Variants in EPHB2 observed in about 807,000 individuals in gnomAD.
The protein encoded by EPHB2 is EPH receptor B2.
Under a neutral mutation model 96.4 loss-of-function variants are expected in EPHB2, and 18 were observed. The ratio of observed to expected loss-of-function variants is 0.19; its 90% CI spans 0.13 to 0.28. EPHB2 has a LOEUF of 0.28. Among genes scored for constraint, EPHB2 ranks in the 10% least tolerant of loss-of-function variants. The pLI, the probability that EPHB2 is intolerant of heterozygous loss-of-function variation, is 1.00. For synonymous variants in EPHB2, 506 were observed against 534.1 expected, an observed-to-expected ratio of 0.95 and a Z score of 0.72; for missense variants, 989 against 1,355.4, an observed-to-expected ratio of 0.73 and a Z score of 4.25.
chr1:22,783,927 C>T (rs1204289986), intron 2 of EPHB2, among the ~76,000 whole-genome samples: 1 of 152,150 alleles, frequency 6.6e-6, no homozygotes, highest in Non-Finnish European at 1.5e-5. Context: ...CTGTCTTCCT[C>T]CATCAGACCG....
chr1:22,810,340 C>A (rs1001502634), intron 3 of EPHB2, among the ~76,000 whole-genome samples: 9 of 152,170 alleles, frequency 5.9e-5, no homozygotes, highest in Non-Finnish European at 1.0e-4. Flanking sequence ...TTTCCTGTGC[C>A]CCACAGTGGT....
intron 1 of EPHB2, among the ~76,000 whole-genome samples, chr1:22,722,749 G>T (rs1008805300): frequency 6.6e-6 from 1 of 152,228 alleles, no homozygotes; most frequent in Non-Finnish European, 1.5e-5. Context: ...ACCATGCTAC[G>T]TTGGACCTCT....
intron 3 of EPHB2, among the ~76,000 whole-genome samples, chr1:22,811,622 C>T (rs985741300): frequency 1.3e-5 from 2 of 152,222 alleles, no homozygotes; most frequent in African/African-American, 4.8e-5. Flanking sequence ...CACCTAATTT[C>T]CCCTGAAATG....
intron 3 of EPHB2, among the ~76,000 whole-genome samples, chr1:22,822,586 A>C (rs936085740): frequency 2.6e-5 from 4 of 152,242 alleles, no homozygotes; most frequent in Admixed American, 2.6e-4. Flanking sequence ...GAAGTTGGCC[A>C]GCATTGTGAC....
At chr1:22,723,520 G>A (rs1296732833) in intron 1 of EPHB2, among the ~76,000 whole-genome samples, 1 of 152,252 alleles carries the variant, frequency 6.6e-6, no homozygotes, top group East Asian at 1.9e-4. Context: ...AGCCATGCCA[G>A]CAAAGCTCAG....
intron 3 of EPHB2, among the ~76,000 whole-genome samples, chr1:22,789,186 C>G (rs1336955072): frequency 6.6e-6 from 1 of 152,210 alleles, no homozygotes; most frequent in African/African-American, 2.4e-5. Flanking sequence ...ACTAGCCCAG[C>G]CCCAACACCA....
rs1553157963 is a variant in EPHB2, at chr1:22,720,663, C to CG, written c.61+9620_61+9621insG. 1.5e-4 allele frequency among the ~76,000 whole-genome samples: 15 copies of CG among 99,194 alleles called. 1 individual carries two copies. The highest frequency in any genetic ancestry group is 2.4e-4 in the Non-Finnish European group (11 of 44,980). The allele number at this position is 99,194 out of a possible 152,430, so 65.1% of individuals were successfully genotyped here. ...AACAGGAAGCCAGAAATCTCATTCC[C>CG]CCCCCCCCCCGCCCCAGCACTTACC... On this transcript the variant is annotated intron_variant, in intron 1 of 15. Transcript: ENST00000374630.
intron 1 of EPHB2, among the ~76,000 whole-genome samples, chr1:22,717,616 G>A (rs982856661): frequency 2.0e-5 from 3 of 152,190 alleles, no homozygotes; most frequent in Admixed American, 6.5e-5. Flanking sequence ...GGCTCATGGC[G>A]AGGATTCAGT....
intron 9 of EPHB2, among the ~76,000 whole-genome samples, chr1:22,900,745 C>T (rs1202017863): frequency 6.6e-6 from 1 of 152,206 alleles, no homozygotes; most frequent in African/African-American, 2.4e-5. Context: ...ATCCCCCTCC[C>T]TGCATCCTAA....
At chr1:22,871,258 T>G (rs964702566) in intron 5 of EPHB2, among the ~76,000 whole-genome samples, 1 of 152,202 alleles carries the variant, frequency 6.6e-6, no homozygotes, top group Non-Finnish European at 1.5e-5. Context: ...ACCAGACCCA[T>G]GCCTTCTACA....
chr1:22,731,365 G>A (rs986301550), intron 1 of EPHB2, among the ~76,000 whole-genome samples: 12 of 151,786 alleles, frequency 7.9e-5, no homozygotes, highest in East Asian at 1.9e-4. Flanking sequence ...GGGGATTAGC[G>A]GACCACCGAG....
chr1:22,775,551 C>A (rs547886527), intron 1 of EPHB2, among the ~76,000 whole-genome samples: 6 of 152,278 alleles, frequency 3.9e-5, no homozygotes, highest in African/African-American at 1.4e-4. Context: ...GGCAGGCCCC[C>A]TGCAGCCACC....
At chr1:22,773,574 T>TC (rs1184423856) in intron 1 of EPHB2, among the ~76,000 whole-genome samples, 1 of 152,004 alleles carries the variant, frequency 6.6e-6, no homozygotes, top group East Asian at 1.9e-4. Context: ...CTTCAACCCT[T>TC]CCCCCAGCTG....
At chr1:22,800,771 GAC>G (rs71666873) in intron 3 of EPHB2, among the ~76,000 whole-genome samples, 104,929 of 148,382 alleles carry the variant, frequency 0.71, 37,522 homozygotes, top group Middle Eastern at 0.81. Context: ...GTGTGTATGT[GAC>G]ACACACACAC....
intron 7 of EPHB2, among the ~76,000 whole-genome samples, chr1:22,893,984 T>G (rs1639472803): frequency 6.6e-6 from 1 of 152,220 alleles, no homozygotes; most frequent in South Asian, 2.1e-4. Context: ...CTTTGCCTGG[T>G]TGAACATTTC....
chr1:22,799,929 T>G (rs904639447), intron 3 of EPHB2, among the ~76,000 whole-genome samples: 2 of 152,186 alleles, frequency 1.3e-5, no homozygotes, highest in African/African-American at 4.8e-5. Flanking sequence ...AGTTCCCAGT[T>G]CCCTCCCTTA....
chr1:22,869,995 G>A (rs192981962), intron 5 of EPHB2, among the ~76,000 whole-genome samples: 8 of 152,212 alleles, frequency 5.3e-5, no homozygotes, highest in African/African-American at 1.7e-4. Context: ...AGAAGGGTTC[G>A]GAGAAGCGTG....
At chr1:22,833,267 C>T (rs926527080) in intron 3 of EPHB2, among the ~76,000 whole-genome samples, 15 of 152,024 alleles carry the variant, frequency 9.9e-5, no homozygotes, top group South Asian at 2.1e-4. Context: ...TACAGGTGCA[C>T]GCCACCATGC....
chr1:22,721,068 C>T (rs138207750), intron 1 of EPHB2, among the ~76,000 whole-genome samples: 22 of 152,228 alleles, frequency 1.4e-4, no homozygotes, highest in South Asian at 4.1e-4. Flanking sequence ...TATGAAAGAC[C>T]GGGTAAGGGG....
Sources: gnomAD v4.1 joint callset for allele counts (sites outside exome capture counted in the v4.1 genomes callset) on GRCh38, gnomAD v4.1.1 for gene constraint, MANE v1.5 for transcripts, NCBI Gene and HGNC (gene_info 2026-07-23, HGNC 2026-07-21) for gene names.